The following CACNA2D1 variants were observed in gnomAD, a reference collection of about 807,000 sequenced individuals.
The protein encoded by CACNA2D1 is calcium voltage-gated channel auxiliary subunit alpha2delta 1, also known as voltage-dependent calcium channel subunit alpha-2/delta-1.
CACNA2D1 carries 53 observed loss-of-function variants against 171.5 expected under a neutral mutation model. That is an observed-to-expected ratio of 0.31 (90% CI 0.25 to 0.39). The LOEUF is 0.39. Among genes scored for constraint, CACNA2D1 ranks in the 10% least tolerant of loss-of-function variants. CACNA2D1 has a pLI of 1.00. For missense variants in CACNA2D1, 903 were observed against 1,299.8 expected, an observed-to-expected ratio of 0.69 and a Z score of 4.69; for synonymous variants, 442 against 443.1, an observed-to-expected ratio of 1.00 and a Z score of 0.03.
intron 3 of CACNA2D1, among the ~76,000 whole-genome samples, chr7:82,224,342 C>G (rs62463011): frequency 0.047 from 7,166 of 152,182 alleles, 219 homozygotes; most frequent in Non-Finnish European, 0.067. Context: ...AATGCCAGCA[C>G]TTTGGGAGGC....
intron 3 of CACNA2D1, among the ~76,000 whole-genome samples, chr7:82,294,025 A>G (rs1180159147): frequency 6.6e-6 from 1 of 151,978 alleles, no homozygotes; most frequent in Non-Finnish European, 1.5e-5. Context: ...CTCTTTTATC[A>G]TCTTTATCCT....
At chr7:82,049,172 GC>G (rs1232052505) in intron 10 of CACNA2D1, among the ~76,000 whole-genome samples, 1 of 144,954 alleles carries the variant, frequency 6.9e-6, no homozygotes, top group East Asian at 2.0e-4. Flanking sequence ...TGGCGGCTTT[GC>G]CCTGCTATTA....
intron 1 of CACNA2D1, among the ~76,000 whole-genome samples, chr7:82,381,206 C>T (rs573786181): frequency 5.3e-5 from 8 of 150,492 alleles, no homozygotes; most frequent in South Asian, 2.1e-4. Context: ...CCCAGCTACC[C>T]GGGAGGCTGA....
chr7:82,113,373 G>A (rs28481780), intron 6 of CACNA2D1, among the ~76,000 whole-genome samples: 1 of 151,964 alleles, frequency 6.6e-6, no homozygotes. Context: ...TGCTTGTCTT[G>A]TATAATTCTA....
chr7:82,090,128 T>C (rs1810975094), intron 6 of CACNA2D1, among the ~76,000 whole-genome samples: 1 of 152,116 alleles, frequency 6.6e-6, no homozygotes. Flanking sequence ...AGGGTGGAAG[T>C]TGGGGGAATT....
intron 3 of CACNA2D1, among the ~76,000 whole-genome samples, chr7:82,252,646 G>A (rs202202594): frequency 6.6e-6 from 1 of 152,078 alleles, no homozygotes; most frequent in Non-Finnish European, 1.5e-5. Context: ...AATCCCAGCA[G>A]TTTGGGAGGC....
At chr7:82,192,460 TTGTGTGTGTGTGTGTGTGTGTGTGTG>T (rs200160135) in intron 3 of CACNA2D1, among the ~76,000 whole-genome samples, 3 of 136,762 alleles carry the variant, frequency 2.2e-5, no homozygotes, top group South Asian at 4.8e-4. Flanking sequence ...GTGTTTGTGT[TTGTGTGTGTGTGTGTGTGTGTGTGTG>T]TGTGTGTGTG....
intron 15 of CACNA2D1, among the ~76,000 whole-genome samples, chr7:82,011,833 C>G (rs1799811777): frequency 6.6e-6 from 1 of 152,070 alleles, no homozygotes; most frequent in African/African-American, 2.4e-5. Flanking sequence ...TTCACAAAGA[C>G]TTTCATCTTT....
intron 2 of CACNA2D1, among the ~76,000 whole-genome samples, chr7:82,344,358 C>T (rs966778905): frequency 7.9e-5 from 12 of 152,192 alleles, no homozygotes; most frequent in African/African-American, 2.9e-4. Flanking sequence ...TGGCTGAGAA[C>T]CATTGCACTA....
chr7:82,287,924 G>C (rs964810265), intron 3 of CACNA2D1, among the ~76,000 whole-genome samples: 1 of 151,372 alleles, frequency 6.6e-6, no homozygotes, highest in African/African-American at 2.4e-5. Context: ...TCCGCCTCCC[G>C]GGTTTACACC....
chr7:82,337,026 T>C (rs1818081193), intron 2 of CACNA2D1, among the ~76,000 whole-genome samples: 1 of 152,180 alleles, frequency 6.6e-6, no homozygotes, highest in African/African-American at 2.4e-5. Context: ...TATTAATTAC[T>C]TGGTGCTTTA....
chr7:82,148,427 A>G (rs932954253), intron 4 of CACNA2D1, among the ~76,000 whole-genome samples: 22 of 152,218 alleles, frequency 1.4e-4, no homozygotes, highest in African/African-American at 5.3e-4. Flanking sequence ...GAGAGAGCTA[A>G]AAGTGACATG....
intron 10 of CACNA2D1, among the ~76,000 whole-genome samples, chr7:82,055,705 T>G (rs569754458): frequency 1.5e-5 from 2 of 130,272 alleles, no homozygotes; most frequent in African/African-American, 5.9e-5. Context: ...TAGGTGGGAA[T>G]TGAACAATGA....
At chr7:82,421,841 A>G (rs576853240) in intron 1 of CACNA2D1, among the ~76,000 whole-genome samples, 2 of 152,316 alleles carry the variant, frequency 1.3e-5, no homozygotes, top group African/African-American at 4.8e-5. Flanking sequence ...GACTATCTGA[A>G]GTCTACAGAA....
At chr7:81,969,218 A>G (rs1039485683) in intron 28 of CACNA2D1, among the ~76,000 whole-genome samples, 1 of 151,438 alleles carries the variant, frequency 6.6e-6, no homozygotes, top group Non-Finnish European at 1.5e-5. Flanking sequence ...ATCTGCTTTC[A>G]CAACATAATG....
chr7:81,989,915 C>A (rs984926662), intron 21 of CACNA2D1, among the ~76,000 whole-genome samples: 1 of 152,130 alleles, frequency 6.6e-6, no homozygotes, highest in East Asian at 1.9e-4. Context: ...TGTCTTGAGT[C>A]AAGGATTACT....
chr7:82,218,776 A>G (rs1361598846), intron 3 of CACNA2D1, among the ~76,000 whole-genome samples: 1 of 152,200 alleles, frequency 6.6e-6, no homozygotes, highest in Non-Finnish European at 1.5e-5. Context: ...GCAATGTGGA[A>G]TCTTAAACTC....
chr7:82,380,078 C>A (rs1199217407), intron 1 of CACNA2D1, among the ~76,000 whole-genome samples: 1 of 152,096 alleles, frequency 6.6e-6, no homozygotes, highest in African/African-American at 2.4e-5. Flanking sequence ...TTTAAATTGT[C>A]AAGTTTATTA....
intron 3 of CACNA2D1, among the ~76,000 whole-genome samples, chr7:82,207,286 A>G (rs1050184645): frequency 2.0e-5 from 3 of 152,198 alleles, no homozygotes; most frequent in Non-Finnish European, 4.4e-5. Context: ...TGGTCCTACC[A>G]TAGTAGCTCT....
Sources: gnomAD v4.1 joint callset for allele counts (sites outside exome capture counted in the v4.1 genomes callset) on GRCh38, gnomAD v4.1.1 for gene constraint, MANE v1.5 for transcripts, NCBI Gene and HGNC (gene_info 2026-07-23, HGNC 2026-07-21) for gene names.